Variants in PDSS1 observed in about 807,000 individuals in gnomAD.
The protein encoded by PDSS1 is decaprenyl diphosphate synthase subunit 1, also known as all trans-polyprenyl-diphosphate synthase PDSS1.
Under a neutral mutation model 57.5 loss-of-function variants are expected in PDSS1, and 43 were observed. That is an observed-to-expected ratio of 0.75 (90% CI 0.59 to 0.96). The LOEUF (loss-of-function observed/expected upper bound fraction) is 0.96. Ranked by LOEUF, PDSS1 falls within the 50% of genes least tolerant of loss-of-function variation. PDSS1 has a pLI of 0.00. For synonymous variants in PDSS1, 175 were observed against 191.3 expected, an observed-to-expected ratio of 0.91 and a Z score of 0.70; for missense variants, 438 against 527.8, an observed-to-expected ratio of 0.83 and a Z score of 1.67.
rs1341902067 is a variant in PDSS1, at chr10:26,711,236, C to G, written c.467+1468C>G. On this transcript the variant is annotated intron_variant, in intron 5 of 11. Coordinates refer to ENST00000376215, the MANE Select transcript of PDSS1 (RefSeq NM_014317.5). ...GGAAATTCCAGTAGACCATGATGTA[C>G]TAATACATCTCCCTAGTGTTGAACA... Among the ~76,000 whole-genome samples, 5 of 100,084 alleles carry G rather than the reference C, an allele frequency of 5.0e-5. 1 individual carries two copies. In the East Asian group the frequency reaches 1.2e-3, roughly 25 times the overall value. The allele number at this position is 100,084 out of a possible 152,430, so 65.7% of individuals were successfully genotyped here.
intron 10 of PDSS1, among the ~76,000 whole-genome samples, chr10:26,736,070 T>C (rs1836387367): frequency 6.6e-6 from 1 of 152,176 alleles, no homozygotes; most frequent in Non-Finnish European, 1.5e-5. Flanking sequence ...TGAGAGAGGC[T>C]TTAGAACCTC....
Position 26,710,692 on chromosome 10 carries a change from C to G in PDSS1, c.467+924C>G, listed in dbSNP as rs887903508. On this transcript the variant is annotated intron_variant, in intron 5 of 11. Coordinates refer to ENST00000376215, the MANE Select transcript of PDSS1 (RefSeq NM_014317.5). ...TTTAATAAAATGAGCTTGGGTTTTG[C>G]TGAGCTCTGTTGCAAGTTAGGTTCT... Among the ~76,000 whole-genome samples the G allele has an allele frequency of 1.0e-4, 10 of 98,182 alleles. 4 individuals are homozygous for G. Among genetic ancestry groups the G allele is most frequent in the Non-Finnish European group, 1.9e-4 (8 of 42,502 alleles). The allele number at this position is 98,182 out of a possible 152,430, so 64.4% of individuals were successfully genotyped here. A position where few individuals can be genotyped will look rare whatever the true frequency, so the allele number is the denominator to read the frequency against.
chr10:26,734,847 G>A (rs17816281), intron 8 of PDSS1: 11,977 of 437,894 alleles, frequency 0.027, 769 homozygotes, highest in South Asian at 0.14. Context: ...AACAGTAATC[G>A]GGCTAGCTTG....
rs922702614 is a variant in PDSS1, at chr10:26,746,414, T to C, written c.1189T>C (p.Ser397Pro). Residue 397 changes from serine (S) to proline (P), a missense_variant, in exon 12 of 12, where the codon TCC becomes CCC. Physicochemically the swap from Ser to Pro is moderately conservative, Grantham distance 74. Transcript: ENST00000376215. ...AIREISKLRP[S>P]PERDALIQLS... ...AAGAGAGATCAGTAAACTTCGACCATCCCCAGAAAGAGATGCCCTCATTCA... is the reference window on the plus strand; with the variant it reads ...AAGAGAGATCAGTAAACTTCGACCACCCCCAGAAAGAGATGCCCTCATTCA... 4 of 1,613,964 alleles carry C rather than the reference T, an allele frequency of 2.5e-6. No individual in the cohort carries two copies. Among genetic ancestry groups the C allele is most frequent in the Non-Finnish European group, 3.4e-6 (4 of 1,179,858 alleles).
Position 26,704,771 on chromosome 10 carries a change from A to G in PDSS1, c.227+30A>G, listed in dbSNP as rs1564416528. The G allele has an allele frequency of 4.5e-6, 5 of 1,104,560 alleles. No homozygotes were observed. In the Admixed American group the frequency reaches 8.4e-5, roughly 19 times the overall value. 68.4% of individuals were successfully genotyped at this position (1,104,560 alleles called of 1,614,324 possible). On this transcript the variant is annotated intron_variant, in intron 3 of 11. Coordinates refer to ENST00000376215, the MANE Select transcript of PDSS1 (RefSeq NM_014317.5). Reference sequence around the variant, plus strand: ...GTTTACAGTCCATACTGCAACTACTAAAATTATCCATTTTTAAATTTATTG... The same window carrying G: ...GTTTACAGTCCATACTGCAACTACTGAAATTATCCATTTTTAAATTTATTG...
At chr10:26,708,184 T>G in intron 4 of PDSS1, among the ~76,000 whole-genome samples, 1 of 152,240 alleles carries the variant, frequency 6.6e-6, no homozygotes, top group East Asian at 1.9e-4. Context: ...TCTGTTACAG[T>G]GCCTGGCACT....
At position 26,697,848 on chromosome 10, in the gene PDSS1, T is replaced by A. The variant is rs2132196307; in HGVS notation, c.129+8T>A. ...GCCGAAGTCCGCGCGCAGGTGAGGTTGGGAGGCGCGCGCCCGGCGGGGCTC... is the reference window on the plus strand; with the variant it reads ...GCCGAAGTCCGCGCGCAGGTGAGGTAGGGAGGCGCGCGCCCGGCGGGGCTC... On this transcript the variant is annotated splice_region_variant and intron_variant, in intron 1 of 11. Transcript: ENST00000376215. 1.5e-6 allele frequency: 2 copies of A among 1,316,278 alleles called. No individual in the cohort carries two copies. The highest frequency in any genetic ancestry group is 4.6e-4 in the Middle Eastern group (2 of 4,386). 81.5% of individuals were successfully genotyped at this position (1,316,278 alleles called of 1,614,324 possible). A position where few individuals can be genotyped will look rare whatever the true frequency, so the allele number is the denominator to read the frequency against.
chr10:26,745,797 A>G (rs1411559274), intron 11 of PDSS1, among the ~76,000 whole-genome samples: 1 of 152,092 alleles, frequency 6.6e-6, no homozygotes, highest in African/African-American at 2.4e-5. Flanking sequence ...CAGTGAGCCA[A>G]GATCATGTCA....
At chr10:26,736,255 G>GC (rs1836396589) in intron 10 of PDSS1, among the ~76,000 whole-genome samples, 1 of 152,212 alleles carries the variant, frequency 6.6e-6, no homozygotes, top group South Asian at 2.1e-4. Context: ...TCCAGACCCT[G>GC]CCACATGGCT....
In PDSS1 at chr10:26,746,611, T is replaced by G. The variant is rs1836941529; in HGVS notation, c.*138T>G. 4 of 807,434 alleles carry G rather than the reference T, an allele frequency of 5.0e-6. No homozygotes were observed. The East Asian group carries it at 1.2e-4, about 23-fold the overall frequency. The allele number at this position is 807,434 out of a possible 1,614,324, so 50.0% of individuals were successfully genotyped here. On this transcript the variant is annotated 3_prime_UTR_variant, in exon 12 of 12. Transcript: ENST00000376215. ...ATCAAACTTATTGATGGGCAATTTA[T>G]TTTTTTTTATTGCAAAAGTTTTTTC...
At chr10:26,739,643 G>A (rs61642481) in intron 10 of PDSS1, among the ~76,000 whole-genome samples, 3,771 of 152,204 alleles carry the variant, frequency 0.025, 152 homozygotes, top group African/African-American at 0.08. Context: ...AGATGCCTAC[G>A]AGAGAATCAC....
At chr10:26,744,495 A>C (rs1476965918) in intron 11 of PDSS1, among the ~76,000 whole-genome samples, 1 of 151,928 alleles carries the variant, frequency 6.6e-6, no homozygotes, top group Non-Finnish European at 1.5e-5. Context: ...GGTTCAAGTG[A>C]TTCTCCTGCC....
intron 11 of PDSS1, among the ~76,000 whole-genome samples, chr10:26,743,162 G>C (rs1283583792): frequency 6.6e-6 from 1 of 152,222 alleles, no homozygotes; most frequent in African/African-American, 2.4e-5. Context: ...TCAGGGGCTA[G>C]TGGCTTGCTT....
rs1317898472 is a variant in PDSS1, at chr10:26,697,804, G to A, written c.93G>A (p.Pro31=). 2 of 1,345,102 alleles carry A rather than the reference G, an allele frequency of 1.5e-6. No individual in the cohort carries two copies. Among genetic ancestry groups the A allele is most frequent in the Non-Finnish European group, 1.9e-6 (2 of 1,044,406 alleles). 83.3% of individuals were successfully genotyped at this position (1,345,102 alleles called of 1,614,324 possible). A position where few individuals can be genotyped will look rare whatever the true frequency, so the allele number is the denominator to read the frequency against. Residue 31 remains proline, a synonymous_variant, in exon 1 of 12, where the codon CCG becomes CCA. Transcript: ENST00000376215. ...PGPGSPGRAG[P]LGPSAAAEVR... The stretch of plus-strand genomic sequence containing the variant: ...CCGGCTCCCCCGGCCGTGCGGGACC[G>A]TTGGGGCCGAGCGCCGCTGCCGAAG...
At chr10:26,736,513 T>A (rs905725821) in intron 10 of PDSS1, among the ~76,000 whole-genome samples, 5 of 152,202 alleles carry the variant, frequency 3.3e-5, no homozygotes, top group Non-Finnish European at 7.3e-5. Context: ...TCCATAAAAT[T>A]CAGTGATTCC....
intron 8 of PDSS1, chr10:26,734,544 T>A (rs971659558): frequency 1.3e-5 from 5 of 379,192 alleles, no homozygotes; most frequent in Non-Finnish European, 2.6e-5. Flanking sequence ...AAGTCTTATT[T>A]CTCCCCCATT....
intron 2 of PDSS1, among the ~76,000 whole-genome samples, chr10:26,702,970 A>G (rs1835094113): frequency 6.6e-6 from 1 of 152,164 alleles, no homozygotes; most frequent in Admixed American, 6.5e-5. Flanking sequence ...AGCACCTCTC[A>G]CCTCCCTTTG....
At chr10:26,727,612 C>T (rs1238219829) in intron 8 of PDSS1, among the ~76,000 whole-genome samples, 1 of 151,916 alleles carries the variant, frequency 6.6e-6, no homozygotes, top group African/African-American at 2.4e-5. Context: ...TCTCCCACCT[C>T]AGCCTCCCGA....
At chr10:26,703,920 A>G (rs546484978) in intron 2 of PDSS1, among the ~76,000 whole-genome samples, 164 of 151,874 alleles carry the variant, frequency 1.1e-3, no homozygotes, top group African/African-American at 3.8e-3. Flanking sequence ...TCTCTACTAA[A>G]AATACAAAAA....
Sources: allele counts gnomAD v4.1 joint callset (sites outside exome capture counted in the v4.1 genomes callset), GRCh38; gene constraint gnomAD v4.1.1; transcripts MANE v1.5; gene names NCBI Gene and HGNC (gene_info 2026-07-23, HGNC 2026-07-21).